The following CDH2 variants were observed in gnomAD, a reference collection of about 807,000 sequenced individuals.
The protein encoded by CDH2 is cadherin 2.
In CDH2, 17 loss-of-function variants were observed where a neutral mutation model predicts 92.0. The observed-to-expected ratio is 0.18, with a 90% CI of 0.13 to 0.28. The LOEUF (loss-of-function observed/expected upper bound fraction) is 0.28, where lower values mean the gene tolerates loss of function less well. Among genes scored for constraint, CDH2 ranks in the 10% least tolerant of loss-of-function variants. The pLI, the probability that CDH2 is intolerant of heterozygous loss-of-function variation, is 1.00. For missense variants in CDH2, 862 were observed against 1,133.1 expected, an observed-to-expected ratio of 0.76 and a Z score of 3.44; for synonymous variants, 419 against 415.9, an observed-to-expected ratio of 1.01 and a Z score of -0.09.
intron 2 of CDH2, among the ~76,000 whole-genome samples, chr18:28,071,463 C>T (rs2014616773): frequency 1.3e-5 from 2 of 152,104 alleles, no homozygotes. Context: ...CTGTCCGTAA[C>T]TGTCACACCA....
Position 28,177,035 on chromosome 18 carries a change from G to C in CDH2, c.-13C>G, listed in dbSNP as rs576855683. On this transcript the variant is annotated 5_prime_UTR_variant, in exon 1 of 16. Transcript: ENST00000269141. ...CTATCCGGCACATGGAGGCGGAGAG[G>C]GGCCGAGCGAAGAGCCGGAGGAGGC... 1.2e-5 allele frequency: 18 copies of C among 1,486,452 alleles called. No individual in the cohort carries two copies. The South Asian group carries it at 1.5e-4, about 12-fold the overall frequency. The allele number at this position is 1,486,452 out of a possible 1,614,324, so 92.1% of individuals were successfully genotyped here. A position where few individuals can be genotyped will look rare whatever the true frequency, so the allele number is the denominator to read the frequency against.
intron 13 of CDH2, among the ~76,000 whole-genome samples, chr18:27,984,766 G>C (rs1368281003): frequency 1.3e-5 from 2 of 152,160 alleles, no homozygotes; most frequent in Admixed American, 1.3e-4. Context: ...AGGGTAAGAG[G>C]GCAAGGAAGA....
At chr18:28,074,691 C>T (rs496694) in intron 2 of CDH2, among the ~76,000 whole-genome samples, 40,604 of 145,934 alleles carry the variant, frequency 0.28, 5,750 homozygotes, top group Non-Finnish European at 0.3. Flanking sequence ...AAAGGAGGCC[C>T]TTTTTTTTTT....
intron 2 of CDH2, among the ~76,000 whole-genome samples, chr18:28,056,274 C>G (rs535344059): frequency 1.3e-5 from 2 of 152,142 alleles, no homozygotes; most frequent in Admixed American, 1.3e-4. Context: ...GTAAGGCTTT[C>G]TAAAAATTGA....
At chr18:27,949,783 T>C (rs563994373), downstream of CDH2, among the ~76,000 whole-genome samples, 1 of 151,840 alleles carries the variant, frequency 6.6e-6, no homozygotes, top group South Asian at 2.1e-4. Context: ...AAAAAGAATG[T>C]TTTTACAAAG....
chr18:28,162,841 A>T (rs2144356381), intron 1 of CDH2, among the ~76,000 whole-genome samples: 1 of 152,346 alleles, frequency 6.6e-6, no homozygotes, highest in South Asian at 2.1e-4. Context: ...ATGGATAATG[A>T]TAATAACGTC....
chr18:28,143,152 G>C (rs902778821), intron 2 of CDH2, among the ~76,000 whole-genome samples: 2 of 151,916 alleles, frequency 1.3e-5, no homozygotes, highest in Non-Finnish European at 2.9e-5. Context: ...GGTAATTGCA[G>C]GTTGCTATTT....
At chr18:28,102,496 G>C (rs771476350) in intron 2 of CDH2, among the ~76,000 whole-genome samples, 1 of 152,098 alleles carries the variant, frequency 6.6e-6, no homozygotes, top group Non-Finnish European at 1.5e-5. Flanking sequence ...TATGGACTAC[G>C]TGCAAGAAAA....
intron 2 of CDH2, among the ~76,000 whole-genome samples, chr18:28,049,368 C>T (rs979424584): frequency 6.6e-6 from 1 of 152,132 alleles, no homozygotes. Context: ...TGTTACAATG[C>T]TAAACACGCT....
chr18:28,057,022 C>A (rs2014306042), intron 2 of CDH2, among the ~76,000 whole-genome samples: 1 of 152,122 alleles, frequency 6.6e-6, no homozygotes, highest in Admixed American at 6.5e-5. Context: ...TCAACGGCAT[C>A]ATTATTTTAA....
intron 2 of CDH2, among the ~76,000 whole-genome samples, chr18:28,078,004 G>A (rs1365973849): frequency 1.3e-5 from 2 of 151,730 alleles, no homozygotes; most frequent in South Asian, 2.1e-4. Flanking sequence ...TTGCAAGGAC[G>A]TGTTTTTACC....
intron 1 of CDH2, among the ~76,000 whole-genome samples, chr18:28,166,234 G>GT (rs2016383272): frequency 7.0e-6 from 1 of 143,116 alleles, no homozygotes; most frequent in Non-Finnish European, 1.5e-5. Context: ...AATCTTGACA[G>GT]TATCTATTAT....
intron 6 of CDH2, among the ~76,000 whole-genome samples, chr18:27,933,490 C>A (rs1467499727): frequency 6.6e-6 from 1 of 152,020 alleles, no homozygotes; most frequent in African/African-American, 2.4e-5. Context: ...TATAGCATGT[C>A]CTGAATATTA....
chr18:27,948,802 T>C (rs149609181), downstream of CDH2, among the ~76,000 whole-genome samples: 1 of 152,078 alleles, frequency 6.6e-6, no homozygotes, highest in African/African-American at 2.4e-5. Context: ...AGTGTAAATA[T>C]ATTTTTGTAC....
chr18:28,113,975 T>C (rs550301036), intron 2 of CDH2, among the ~76,000 whole-genome samples: 1 of 152,186 alleles, frequency 6.6e-6, no homozygotes, highest in East Asian at 1.9e-4. Context: ...GAGCAGTCAT[T>C]TGGAATGAAA....
At chr18:28,043,068 A>G (rs909079211) in intron 2 of CDH2, among the ~76,000 whole-genome samples, 4 of 152,160 alleles carry the variant, frequency 2.6e-5, no homozygotes, top group Non-Finnish European at 4.4e-5. Flanking sequence ...AAAGAAATCA[A>G]CTATTTGTTG....
At chr18:28,158,819 C>G (rs762410565) in intron 1 of CDH2, among the ~76,000 whole-genome samples, 1 of 152,158 alleles carries the variant, frequency 6.6e-6, no homozygotes, top group Non-Finnish European at 1.5e-5. Context: ...AGCCAGCTAT[C>G]TTCTTATTAA....
chr18:28,044,495 T>C (rs1430904700), intron 2 of CDH2, among the ~76,000 whole-genome samples: 1 of 152,178 alleles, frequency 6.6e-6, no homozygotes, highest in Non-Finnish European at 1.5e-5. Flanking sequence ...CTTTCAATGC[T>C]TCCTACTGTC....
At position 27,951,429 on chromosome 18, in the gene CDH2, G is replaced by A. The variant is rs1909442368; in HGVS notation, c.*724C>T. On this transcript the variant is annotated 3_prime_UTR_variant, in exon 16 of 16. Coordinates refer to ENST00000269141, the MANE Select transcript of CDH2 (RefSeq NM_001792.5). Reference sequence around the variant, plus strand: ...GTTTCTGCACTTCTCCATAGACTATGCCAATAAAACATTATGTACACATAC... The same window carrying A: ...GTTTCTGCACTTCTCCATAGACTATACCAATAAAACATTATGTACACATAC... 6.6e-6 allele frequency: 1 copy of A among 152,226 alleles called. No homozygotes were observed. The highest frequency in any genetic ancestry group is 2.4e-5 in the African/African-American group (1 of 41,332). 9.4% of individuals were successfully genotyped at this position (152,226 alleles called of 1,614,324 possible). A position where few individuals can be genotyped will look rare whatever the true frequency, so the allele number is the denominator to read the frequency against.
Sources: allele counts gnomAD v4.1 joint callset (sites outside exome capture counted in the v4.1 genomes callset), GRCh38; gene constraint gnomAD v4.1.1; transcripts MANE v1.5; gene names NCBI Gene and HGNC (gene_info 2026-07-23, HGNC 2026-07-21).